SOX5: variants seen among roughly 807,000 people sequenced by gnomAD.
SOX5 encodes transcription factor SOX-5.
Under a neutral mutation model 92.0 loss-of-function variants are expected in SOX5, and 9 were observed. That is an observed-to-expected ratio of 0.10 (90% CI 0.06 to 0.17). The LOEUF is 0.17. Among genes scored for constraint, SOX5 ranks in the 10% least tolerant of loss-of-function variants. The pLI is 1.00. For synonymous variants in SOX5, 344 were observed against 336.3 expected (o/e 1.02, Z -0.25); for missense variants, 642 against 944.5 (o/e 0.68, Z 4.20).
At chr12:24,333,883 C>T (rs1595687522) in intron 2 of SOX5, among the ~76,000 whole-genome samples, 1 of 144,144 alleles carries the variant, frequency 6.9e-6, no homozygotes, top group Admixed American at 6.9e-5. Context: ...GGGGGAGAAA[C>T]ATCTTGAATA....
chr12:23,932,045 A>C (rs1156426415), intron 1 of SOX5, among the ~76,000 whole-genome samples: 3 of 151,332 alleles, frequency 2.0e-5, no homozygotes, highest in African/African-American at 7.3e-5. Context: ...TAGATTTCTT[A>C]AAAATCTAAG....
intron 4 of SOX5, among the ~76,000 whole-genome samples, chr12:24,195,830 G>A (rs1308383633): frequency 6.6e-6 from 1 of 152,168 alleles, no homozygotes; most frequent in Non-Finnish European, 1.5e-5. Flanking sequence ...ATACTCTTAA[G>A]AAACATCCTA....
chr12:24,460,986 A>G (rs575252065), intron 1 of SOX5, among the ~76,000 whole-genome samples: 2 of 152,342 alleles, frequency 1.3e-5, no homozygotes, highest in East Asian at 1.9e-4. Flanking sequence ...GCAAATTCAT[A>G]TCACCAAATA....
intron 1 of SOX5, among the ~76,000 whole-genome samples, chr12:24,438,818 T>A (rs758126825): frequency 3.3e-5 from 5 of 152,060 alleles, no homozygotes; most frequent in Non-Finnish European, 5.9e-5. Context: ...AACAAAGAGG[T>A]TTCTTAAAAT....
chr12:24,448,490 AT>A (rs1183871452), intron 1 of SOX5, among the ~76,000 whole-genome samples: 1 of 152,200 alleles, frequency 6.6e-6, no homozygotes, highest in Non-Finnish European at 1.5e-5. Flanking sequence ...CAGGAAAGAT[AT>A]TACCCACGGT....
rs549871688 is a variant in SOX5, at chr12:23,649,002, C to G, written c.932-8105G>C. On this transcript the variant is annotated intron_variant, in intron 7 of 14. Coordinates refer to ENST00000451604, the MANE Select transcript of SOX5 (RefSeq NM_006940.6). ...CTATTTCAATGATATTCACCCAACACATAAACACAATTAACTTAAAGCATG... is the reference window on the plus strand; with the variant it reads ...CTATTTCAATGATATTCACCCAACAGATAAACACAATTAACTTAAAGCATG... Among the ~76,000 whole-genome samples, 3 of 152,176 alleles carry G rather than the reference C, an allele frequency of 2.0e-5. No homozygotes were observed. The East Asian group carries it at 5.8e-4, about 29-fold the overall frequency.
At chr12:24,391,134 G>T (rs964577234) in intron 1 of SOX5, among the ~76,000 whole-genome samples, 2 of 152,044 alleles carry the variant, frequency 1.3e-5, no homozygotes, top group African/African-American at 2.4e-5. Context: ...GTGTGAGATG[G>T]TATCTCACTG....
At chr12:23,862,433 T>C (rs2096766309) in intron 2 of SOX5, among the ~76,000 whole-genome samples, 1 of 152,180 alleles carries the variant, frequency 6.6e-6, no homozygotes. Context: ...TCCTTGGTTG[T>C]ATTTTGCCTA....
In SOX5 at chr12:24,318,474, G is replaced by T. The variant is rs74663195; in HGVS notation, c.-173-41162C>A. On this transcript the variant is annotated intron_variant, in intron 2 of 4. Transcript: ENST00000446891. The stretch of plus-strand genomic sequence containing the variant: ...GAGCCTGTGTTCTTGAAATCATGGC[G>T]AGCTATGTTTGTTCTAGACTGTCTG... Among the ~76,000 whole-genome samples, 904 of 152,290 alleles carry T rather than the reference G, an allele frequency of 5.9e-3. 7 individuals carry two copies. Among genetic ancestry groups the T allele is most frequent in the Non-Finnish European group, 0.01 (706 of 68,032 alleles).
chr12:24,402,403 A>G lies in SOX5; in HGVS notation c.-250-33764T>C, dbSNP rs115536058. ...ACTTTTTTCCCCTATTAATGGTCTT[A>G]AGAGAAATATTGGTACAATCCTGTT... On this transcript the variant is annotated intron_variant, in intron 1 of 4. Coordinates refer to the SOX5 transcript ENST00000446891. Among the ~76,000 whole-genome samples, 857 of 152,306 alleles carry G rather than the reference A, an allele frequency of 5.6e-3. 8 individuals carry two copies. The highest frequency in any genetic ancestry group is 0.019 in the African/African-American group (771 of 41,580).
chr12:24,010,644 A>C (rs1006222900), intron 4 of SOX5, among the ~76,000 whole-genome samples: 3 of 152,134 alleles, frequency 2.0e-5, no homozygotes, highest in African/African-American at 7.2e-5. Context: ...AAATTTGAAT[A>C]ATATTCTAGG....
intron 4 of SOX5, among the ~76,000 whole-genome samples, chr12:23,999,625 AAAAG>A (rs1951401040): frequency 6.6e-6 from 1 of 152,074 alleles, no homozygotes; most frequent in Non-Finnish European, 1.5e-5. Context: ...AACAATTAAT[AAAAG>A]AGTCTTTTAC....
At chr12:23,541,518 C>T (rs1260185699) in intron 13 of SOX5, among the ~76,000 whole-genome samples, 1 of 151,798 alleles carries the variant, frequency 6.6e-6, no homozygotes, top group African/African-American at 2.4e-5. Flanking sequence ...AGAATATAGT[C>T]ACAAAAAATA....
Position 23,665,453 on chromosome 12 carries a change from C to T in SOX5, c.922G>A (p.Ala308Thr). ...AATCAACAGTACTTACTACATCCAG[C>T]CTTATAGCTGAAGCCTGGAGGGAGG... ...FLLPPGFSYK[A>T]GCSDPYPVQL... The change falls in exon 7 of 15, where the codon GCT becomes ACT. Residue 308 changes from alanine to threonine, a missense_variant. By Grantham distance (58) the Ala-to-Thr change is moderately conservative. Transcript: ENST00000451604. 6.2e-7 allele frequency: 1 copy of T among 1,613,424 alleles called. No homozygotes were observed. Among genetic ancestry groups the T allele is most frequent in the Non-Finnish European group, 8.5e-7 (1 of 1,179,520 alleles).
At chr12:24,089,008 CTGA>C (rs1190056570) in intron 4 of SOX5, among the ~76,000 whole-genome samples, 1 of 151,992 alleles carries the variant, frequency 6.6e-6, no homozygotes, top group East Asian at 1.9e-4. Context: ...AATAAAAGTG[CTGA>C]TGACTCGTTA....
intron 4 of SOX5, among the ~76,000 whole-genome samples, chr12:24,035,762 C>T (rs538520173): frequency 6.6e-6 from 1 of 152,104 alleles, no homozygotes; most frequent in Admixed American, 6.6e-5. Flanking sequence ...AAAATTTCTA[C>T]AACTGTTTTC....
chr12:23,699,120 C>G (rs1003298806), intron 6 of SOX5, among the ~76,000 whole-genome samples: 1 of 152,156 alleles, frequency 6.6e-6, no homozygotes, highest in African/African-American at 2.4e-5. Context: ...TAGTTTTTCT[C>G]TCTGTCTGTC....
At chr12:23,790,548 T>TCACACACACA (rs941547453) in intron 3 of SOX5, among the ~76,000 whole-genome samples, 21 of 137,392 alleles carry the variant, frequency 1.5e-4, no homozygotes, top group African/African-American at 5.0e-4. Flanking sequence ...TCTCAATCTC[T>TCACACACACA]CACACACACA....
At chr12:23,706,182 G>C (rs868575797) in intron 6 of SOX5, among the ~76,000 whole-genome samples, 5 of 151,930 alleles carry the variant, frequency 3.3e-5, no homozygotes, top group Non-Finnish European at 5.9e-5. Flanking sequence ...TGGCAAAGAG[G>C]GGGGAGAAAA....
Sources: gnomAD v4.1 joint callset for allele counts (sites outside exome capture counted in the v4.1 genomes callset) on GRCh38, gnomAD v4.1.1 for gene constraint, MANE v1.5 for transcripts, NCBI Gene and HGNC (gene_info 2026-07-23, HGNC 2026-07-21) for gene names.